Variants in IL27 observed in about 807,000 individuals in gnomAD.
IL27 encodes interleukin-27 subunit alpha.
Under a neutral mutation model 27.0 loss-of-function variants are expected in IL27, and 11 were observed. The observed-to-expected ratio is 0.41, with a 90% CI of 0.26 to 0.67. IL27 has a LOEUF of 0.67. IL27 is among the 30% of genes least tolerant of loss of function. The pLI is 0.34. For missense variants in IL27, 299 were observed against 310.4 expected (o/e 0.96, Z 0.28); for synonymous variants, 134 against 140.6 (o/e 0.95, Z 0.33).
intron 3 of IL27, among the ~76,000 whole-genome samples, chr16:28,502,560 C>T (rs2141737801): frequency 6.6e-6 from 1 of 152,108 alleles, no homozygotes. Flanking sequence ...TCCATCCCAT[C>T]TCCAACCTCA....
intron 1 of IL27, among the ~76,000 whole-genome samples, chr16:28,505,150 T>C (rs543797348): frequency 1.3e-5 from 2 of 152,364 alleles, no homozygotes; most frequent in Admixed American, 6.5e-5. Context: ...GCACACCATG[T>C]TCTGGCAAGG....
rs1278174472 is a variant in IL27 at position 28,499,869 on chromosome 16, C to T, written c.514G>A (p.Glu172Lys). ...AGCCCCTTCCTCTCCTCCTCCTCCT[C>T]CTCCTCTTCCTCCTCCTCCTCCTCC... is the stretch of plus-strand genomic sequence containing the variant. ...LPEEEEEEEE[E>K]EEEERKGLLP... Residue 172 changes from glutamate (E) to lysine (K), a missense_variant, in exon 5 of 5, where the codon GAG becomes AAG. Coordinates refer to ENST00000356897, the MANE Select transcript of IL27 (RefSeq NM_145659.3). 2 of 1,554,038 alleles carry T rather than the reference C, an allele frequency of 1.3e-6. No individual in the cohort carries two copies. The highest frequency in any genetic ancestry group is 1.4e-5 in the African/African-American group (1 of 73,078).
intron 3 of IL27, among the ~76,000 whole-genome samples, chr16:28,502,761 G>A (rs545075472): frequency 2.0e-5 from 3 of 152,088 alleles, no homozygotes; most frequent in East Asian, 1.9e-4. Flanking sequence ...TGCCTGCCGC[G>A]TTCCATGCCT....
chr16:28,501,895 T>A, intron 4 of IL27, 81 bp downstream of exon 4: 7 of 1,487,306 alleles, frequency 4.7e-6, no homozygotes, highest in East Asian at 2.3e-5. Context: ...TCACACACAC[T>A]CAGAGCATGG....
chr16:28,506,562 C>T (rs1825107532), intron 1 of IL27, among the ~76,000 whole-genome samples: 1 of 152,126 alleles, frequency 6.6e-6, no homozygotes, highest in Non-Finnish European at 1.5e-5. Flanking sequence ...GCCAAGGCCT[C>T]CTTCTCATCC....
chr16:28,501,755 A>AG (rs1247352329), intron 4 of IL27, among the ~76,000 whole-genome samples: 1 of 150,628 alleles, frequency 6.6e-6, no homozygotes, highest in Admixed American at 6.6e-5. Flanking sequence ...ACACTCTCAC[A>AG]GTCACACTGT....
In IL27 at chr16:28,499,424, C is replaced by T; in HGVS notation, c.*227G>A. The T allele has an allele frequency of 1.9e-6, 1 of 525,980 alleles. No individual in the cohort carries two copies. The highest frequency in any genetic ancestry group is 3.0e-5 in the East Asian group (1 of 33,892). 32.6% of individuals were successfully genotyped at this position (525,980 alleles called of 1,614,324 possible). On this transcript the variant is annotated 3_prime_UTR_variant, in exon 5 of 5. Coordinates refer to ENST00000356897, the MANE Select transcript of IL27 (RefSeq NM_145659.3). Reference sequence around the variant, plus strand: ...CTTGGCCCGAGGAGGACCATCGGGCCCCAAGACAATAAATAAACCATCATC... The same window carrying T: ...CTTGGCCCGAGGAGGACCATCGGGCTCCAAGACAATAAATAAACCATCATC...
intron 1 of IL27, among the ~76,000 whole-genome samples, chr16:28,505,852 C>G (rs759147831): frequency 2.0e-5 from 3 of 152,208 alleles, no homozygotes; most frequent in Non-Finnish European, 2.9e-5. Context: ...CAATCTCTAA[C>G]CCCTGGGCTC....
chr16:28,499,805 G>A lies in IL27; in HGVS notation c.578C>T (p.Ala193Val). The A allele has an allele frequency of 6.2e-7, 1 of 1,603,868 alleles. No homozygotes were observed. The highest frequency in any genetic ancestry group is 8.5e-7 in the Non-Finnish European group (1 of 1,175,500). Reference sequence around the variant, plus strand: ...GAGGAGCTGGGGCCAGGACACCTGGGCCGGGCCCTGTAAGGCGCTGCCCAG... The same window carrying A: ...GAGGAGCTGGGGCCAGGACACCTGGACCGGGCCCTGTAAGGCGCTGCCCAG... The part of the protein sequence containing the change: ...GALGSALQGP[A>V]QVSWPQLLST... The change falls in exon 5 of 5, where the codon GCC becomes GTC. Residue 193 changes from alanine to valine, a missense_variant. Ala to Val is a moderately conservative substitution (Grantham distance 64). Transcript: ENST00000356897.
Position 28,505,936 on chromosome 16 carries a change from G to C in IL27, c.31+845C>G, listed in dbSNP as rs148443274. Among the ~76,000 whole-genome samples, 823 of 152,258 alleles carry C rather than the reference G, an allele frequency of 5.4e-3. 7 individuals carry two copies. The highest frequency in any genetic ancestry group is 0.019 in the African/African-American group (790 of 41,552). On this transcript the variant is annotated intron_variant, in intron 1 of 4. Coordinates refer to ENST00000356897, the MANE Select transcript of IL27 (RefSeq NM_145659.3). ...CATCTACCTCCCTCGTGGGCTTGCA[G>C]ATGTGGTGGGCGATGCCTAACGTAA... is the stretch of plus-strand genomic sequence containing the variant.
At chr16:28,506,380 G>C (rs944642847) in intron 1 of IL27, among the ~76,000 whole-genome samples, 2 of 152,124 alleles carry the variant, frequency 1.3e-5, no homozygotes, top group Non-Finnish European at 2.9e-5. Flanking sequence ...CTGACATCTT[G>C]GTCCCAGTGC....
In IL27 at chr16:28,499,935, C is replaced by T. The variant is rs768401258; in HGVS notation, c.463-15G>A. On this transcript the variant is annotated splice_polypyrimidine_tract_variant and intron_variant, in intron 4 of 4. Transcript: ENST00000356897. ...GCAGCCAGCACCTGTGAGGAGAGGC[C>T]ATGGGTCAGGGAGGGGCCAGGCCGA... The T allele has an allele frequency of 2.1e-5, 32 of 1,537,388 alleles. No individual in the cohort carries two copies. Among genetic ancestry groups the T allele is most frequent in the Non-Finnish European group, 2.8e-5 (32 of 1,138,232 alleles).
intron 1 of IL27, among the ~76,000 whole-genome samples, chr16:28,504,794 G>T (rs1279076593): frequency 6.6e-6 from 1 of 151,960 alleles, no homozygotes; most frequent in East Asian, 1.9e-4. Context: ...TGTTGCCCAG[G>T]CTGGTCTTGA....
In IL27 at chr16:28,501,611, TCACA is replaced by T. The variant is rs1406916170; in HGVS notation, c.462+361_462+364del. On this transcript the variant is annotated intron_variant, in intron 4 of 4. Coordinates refer to ENST00000356897, the MANE Select transcript of IL27 (RefSeq NM_145659.3). ...CACACACTCTCACAGTCAGGTACAC[TCACA>T]CAGACCCACACACTCACTCTCACAC... Among the ~76,000 whole-genome samples, 15 of 128,858 alleles carry T rather than the reference TCACA, an allele frequency of 1.2e-4. No homozygotes were observed. The South Asian group carries it at 1.5e-3, about 13-fold the overall frequency. The allele number at this position is 128,858 out of a possible 152,430, so 84.5% of individuals were successfully genotyped here. A position where few individuals can be genotyped will look rare whatever the true frequency, so the allele number is the denominator to read the frequency against.
At chr16:28,503,074 A>T (rs2046441690) in intron 3 of IL27, among the ~76,000 whole-genome samples, 1 of 152,122 alleles carries the variant, frequency 6.6e-6, no homozygotes, top group South Asian at 2.1e-4. Context: ...CACCCACATC[A>T]GCCTCCCACA....
chr16:28,505,181 C>G (rs145934964), intron 1 of IL27, among the ~76,000 whole-genome samples: 1 of 152,228 alleles, frequency 6.6e-6, no homozygotes, highest in Non-Finnish European at 1.5e-5. Flanking sequence ...CTCAGCCAAG[C>G]GGCTCTGATG....
chr16:28,501,894 C>G (rs1265442346), intron 4 of IL27, 82 bp downstream of exon 4: 8 of 1,473,330 alleles, frequency 5.4e-6, no homozygotes, highest in Non-Finnish European at 7.4e-6. Flanking sequence ...CTCACACACA[C>G]TCAGAGCATG....
chr16:28,504,859 A>C (rs780694377), intron 1 of IL27, among the ~76,000 whole-genome samples: 3 of 152,186 alleles, frequency 2.0e-5, no homozygotes, highest in Non-Finnish European at 4.4e-5. Context: ...CTGGGATCAC[A>C]GGCATGAGCC....
At position 28,499,415 on chromosome 16, in the gene IL27, C is replaced by T. The variant is rs2046417610; in HGVS notation, c.*236G>A. 1.0e-5 allele frequency: 5 copies of T among 502,200 alleles called. No homozygotes were observed. In the South Asian group the frequency reaches 1.6e-4, roughly 16 times the overall value. 31.1% of individuals were successfully genotyped at this position (502,200 alleles called of 1,614,324 possible). On this transcript the variant is annotated 3_prime_UTR_variant, in exon 5 of 5. Transcript: ENST00000356897. The stretch of plus-strand genomic sequence containing the variant: ...GCATGGGGGCTTGGCCCGAGGAGGA[C>T]CATCGGGCCCCAAGACAATAAATAA...
Sources: allele counts gnomAD v4.1 joint callset (sites outside exome capture counted in the v4.1 genomes callset), GRCh38; gene constraint gnomAD v4.1.1; transcripts MANE v1.5; gene names NCBI Gene and HGNC (gene_info 2026-07-23, HGNC 2026-07-21).